Variants in C5 observed in about 807,000 individuals in gnomAD.
C5 encodes complement C5, also known as C3 and PZP-like alpha-2-macroglobulin domain-containing protein 4.
A neutral mutation model predicts 218.8 loss-of-function variants in C5; 140 were observed. The observed-to-expected ratio is 0.64, with a 90% CI of 0.56 to 0.74. The LOEUF (loss-of-function observed/expected upper bound fraction) is 0.74, where lower values mean the gene tolerates loss of function less well. C5 is among the 30% of genes least tolerant of loss of function. C5 has a pLI of 0.00. For missense variants in C5, 1,700 were observed against 1,969.6 expected (o/e 0.86, Z 2.59); for synonymous variants, 614 against 682.3 (o/e 0.90, Z 1.56).
chr9:120,979,878 T>TA lies in C5; in HGVS notation c.3658+204dup, dbSNP rs571742725. On this transcript the variant is annotated intron_variant, in intron 28 of 40. Transcript: ENST00000223642. ...TGGGTGACAGAGCGAGAACCTGTCTTAAAAAAAAGAATAAATATTTGCTGA... is the reference window on the plus strand; with the variant it reads ...TGGGTGACAGAGCGAGAACCTGTCTTAAAAAAAAAGAATAAATATTTGCTGA... Among the ~76,000 whole-genome samples the TA allele has an allele frequency of 1.6e-4, 24 of 151,792 alleles. No individual in the cohort carries two copies. In the South Asian group the frequency reaches 4.0e-3, roughly 25 times the overall value.
intron 15 of C5, among the ~76,000 whole-genome samples, chr9:121,015,635 C>G (rs1431283222): frequency 6.6e-6 from 1 of 151,978 alleles, no homozygotes; most frequent in African/African-American, 2.4e-5. Flanking sequence ...ACTATGAATA[C>G]CACAGTATCA....
intron 39 of C5, chr9:120,957,057 G>A (rs7465958): frequency 0.15 from 61,846 of 423,546 alleles, 7,963 homozygotes; most frequent in African/African-American, 0.47. Context: ...GGACAATTAC[G>A]CAATTGAAAA....
In C5 at chr9:120,974,772, C is replaced by T; in HGVS notation, c.4017+7G>A. 1 of 1,611,462 alleles carries T rather than the reference C, an allele frequency of 6.2e-7. No individual in the cohort carries two copies. Among genetic ancestry groups the T allele is most frequent in the Non-Finnish European group, 8.5e-7 (1 of 1,177,644 alleles). ...TTGTAAAATACTACAGAAAGTTCTT[C>T]ATTTACCTCTACTGGCCTCCCAAGG... On this transcript the variant is annotated splice_region_variant and intron_variant, in intron 30 of 40. Coordinates refer to ENST00000223642, the MANE Select transcript of C5 (RefSeq NM_001735.3).
intron 28 of C5, 35 bp from the exon 29 acceptor site, chr9:120,976,940 T>A: frequency 6.5e-7 from 1 of 1,545,506 alleles, no homozygotes; most frequent in Non-Finnish European, 8.9e-7. Context: ...TTAATATGAT[T>A]AAAAATGTGA....
At chr9:120,953,915 T>C (rs776990732) in intron 39 of C5, 47 bp from the exon 40 acceptor site, 8 of 1,603,622 alleles carry the variant, frequency 5.0e-6, no homozygotes, top group Non-Finnish European at 6.8e-6. Context: ...CATGTTTTAA[T>C]GTCACAATTA....
the C5 span, among the ~76,000 whole-genome samples, chr9:121,055,674 C>A: frequency 6.6e-6 from 1 of 152,174 alleles, no homozygotes; most frequent in Non-Finnish European, 1.5e-5. Flanking sequence ...TTGGTCCTGG[C>A]AGGATTCACC....
In C5 at chr9:121,046,456, C is replaced by T. The variant is rs539815150; in HGVS notation, c.66-73G>A. The T allele has an allele frequency of 1.6e-4, 168 of 1,063,826 alleles. No homozygotes were observed. In the African/African-American group the frequency reaches 2.4e-3, roughly 15 times the overall value. 65.9% of individuals were successfully genotyped at this position (1,063,826 alleles called of 1,614,324 possible). ...TTTCTTTTACTTTTGATTTTTTTCTCTCACTTGAGAGATTCCATTTAAAAT... is the reference window on the plus strand; with the variant it reads ...TTTCTTTTACTTTTGATTTTTTTCTTTCACTTGAGAGATTCCATTTAAAAT... On this transcript the variant is annotated intron_variant, in intron 1 of 40. Coordinates refer to ENST00000223642, the MANE Select transcript of C5 (RefSeq NM_001735.3).
chr9:120,978,308 T>C (rs753992661), intron 28 of C5, among the ~76,000 whole-genome samples: 1 of 152,216 alleles, frequency 6.6e-6, no homozygotes, highest in African/African-American at 2.4e-5. Flanking sequence ...TTGATGTGTA[T>C]GTTTATAATT....
At chr9:120,957,420 C>T in intron 38 of C5, 52 bp from the exon 39 acceptor site, 2 of 1,356,198 alleles carry the variant, frequency 1.5e-6, no homozygotes, top group Non-Finnish European at 2.1e-6. Context: ...ACTATTAATG[C>T]TATGTCCAGT....
chr9:121,014,649 A>G (rs1199304792), intron 16 of C5, among the ~76,000 whole-genome samples: 1 of 152,176 alleles, frequency 6.6e-6, no homozygotes, highest in African/African-American at 2.4e-5. Flanking sequence ...GGAAGAAACT[A>G]TTATATTACC....
intron 19 of C5, among the ~76,000 whole-genome samples, chr9:121,006,410 G>GCAAA (rs1383055951): frequency 1.3e-5 from 2 of 152,108 alleles, no homozygotes; most frequent in Non-Finnish European, 2.9e-5. Flanking sequence ...AACAAAAGTA[G>GCAAA]CAAACAAACA....
At chr9:121,050,522 C>T (rs114156353), upstream of C5, among the ~76,000 whole-genome samples, 499 of 152,288 alleles carry the variant, frequency 3.3e-3, 3 homozygotes, top group African/African-American at 0.011. Context: ...AAGAGTGGCT[C>T]AAAGCTAGAA....
upstream of C5, among the ~76,000 whole-genome samples, chr9:121,052,373 C>G (rs947777578): frequency 6.7e-6 from 1 of 149,052 alleles, no homozygotes; most frequent in Non-Finnish European, 1.5e-5. Context: ...AGGAGATTCA[C>G]TTGAACCTGG....
Position 121,017,731 on chromosome 9 carries a change from TA to T in C5, c.1627del (p.Tyr543IlefsTer12), listed in dbSNP as rs1346061262. 6.2e-7 allele frequency: 1 copy of T among 1,612,232 alleles called. No individual in the cohort carries two copies. Among genetic ancestry groups the T allele is most frequent in the Non-Finnish European group, 8.5e-7 (1 of 1,178,436 alleles). On this transcript the variant is annotated frameshift_variant, in exon 13 of 41. Coordinates refer to ENST00000223642, the MANE Select transcript of C5 (RefSeq NM_001735.3). LOFTEE classifies it high-confidence loss of function. ...TGTCTGTTCTCCTGTGACGATGTAATAGACCAGAAGTCGGGATGAAGGAACC... is the reference window on the plus strand; with the variant it reads ...TGTCTGTTCTCCTGTGACGATGTAATGACCAGAAGTCGGGATGAAGGAACC... ...NMVPSSRLLVYYIVTGEQTAE... is the reference protein window; with the variant it reads ...NMVPSSRLLVXYIVTGEQTAE...
intron 7 of C5, among the ~76,000 whole-genome samples, chr9:121,028,794 C>A (rs1242286291): frequency 6.6e-6 from 1 of 152,080 alleles, no homozygotes; most frequent in Admixed American, 6.6e-5. Flanking sequence ...ACCTATGTAA[C>A]AAACCTGCAC....
At chr9:121,051,145 C>T (rs1360914425), upstream of C5, among the ~76,000 whole-genome samples, 1 of 142,304 alleles carries the variant, frequency 7.0e-6, no homozygotes, top group Non-Finnish European at 1.5e-5. Context: ...TTTTTGGAGA[C>T]AGAGTCTCTT....
rs1406093216 is a variant in C5 at position 121,017,853 on chromosome 9, C to T, written c.1507-1G>A. ...GGATAATTTTGCCCTTGGATAAAAT[C>T]TAAAAATAAACAGCAGCAGCAACAA... On this transcript the variant is annotated splice_acceptor_variant, in intron 12 of 40. Coordinates refer to ENST00000223642, the MANE Select transcript of C5 (RefSeq NM_001735.3). LOFTEE classifies it high-confidence loss of function. The T allele has an allele frequency of 6.3e-7, 1 of 1,594,512 alleles. No homozygotes were observed. Among genetic ancestry groups the T allele is most frequent in the African/African-American group, 1.3e-5 (1 of 74,508 alleles).
chr9:121,034,307 T>C (rs1006700682), intron 5 of C5, among the ~76,000 whole-genome samples: 23 of 152,228 alleles, frequency 1.5e-4, no homozygotes, highest in African/African-American at 5.5e-4. Flanking sequence ...CAAGAATGTG[T>C]TCATTGAATA....
chr9:121,038,021 A>C, intron 3 of C5, 70 bp from the exon 4 acceptor site: 3 of 749,966 alleles, frequency 4.0e-6, no homozygotes, highest in African/African-American at 3.6e-5. Flanking sequence ...TAAAACAACC[A>C]TCCTTAAAAG....
Sources: gnomAD v4.1 joint callset for allele counts (sites outside exome capture counted in the v4.1 genomes callset) on GRCh38, gnomAD v4.1.1 for gene constraint, MANE v1.5 for transcripts, NCBI Gene and HGNC (gene_info 2026-07-23, HGNC 2026-07-21) for gene names.